ASIP: variants seen among roughly 807,000 people sequenced by gnomAD.
The protein encoded by ASIP is agouti signaling protein.
ASIP carries 11 observed loss-of-function variants against 10.3 expected under a neutral mutation model. The observed-to-expected ratio is 1.07, with a 90% CI of 0.68 to 1.78. The LOEUF (loss-of-function observed/expected upper bound fraction) is 1.78, where lower values mean the gene tolerates loss of function less well. ASIP is among the 40% of genes most tolerant of loss of function. ASIP has a pLI of 0.00. For missense variants in ASIP, 180 were observed against 169.2 expected, an observed-to-expected ratio of 1.06 and a Z score of -0.35; for synonymous variants, 70 against 70.8, an observed-to-expected ratio of 0.99 and a Z score of 0.06.
upstream of ASIP, among the ~76,000 whole-genome samples, chr20:34,240,148 G>A (rs2035265179): frequency 6.6e-6 from 1 of 152,096 alleles, no homozygotes; most frequent in African/African-American, 2.4e-5. Context: ...TTGGAAAGAA[G>A]GGAAAAAAAG....
In ASIP at chr20:34,217,711, A is replaced by G. The variant is rs1002133885; in HGVS notation, c.-11+22951A>G. On this transcript the variant is annotated intron_variant, in intron 1 of 3. Coordinates refer to the ASIP transcript ENST00000568305. ...CGAGTAGCTGGGACTGCAGGCGCCC[A>G]CCACCACGCCCGGCTAATTTTTTTG... 4.6e-5 allele frequency among the ~76,000 whole-genome samples: 7 copies of G among 151,708 alleles called. No homozygotes were observed. The South Asian group carries it at 8.4e-4, about 18-fold the overall frequency.
chr20:34,230,786 C>T (rs1404549697), intron 1 of ASIP, among the ~76,000 whole-genome samples: 1 of 42,956 alleles, frequency 2.3e-5, no homozygotes, highest in Non-Finnish European at 4.0e-5. Context: ...CCCCGCACCT[C>T]CCTCCCGGAC....
chr20:34,258,546 A>C (rs2035613270), intron 1 of ASIP, among the ~76,000 whole-genome samples: 2 of 147,922 alleles, frequency 1.4e-5, no homozygotes, highest in African/African-American at 5.0e-5. Context: ...AAGGACAAGC[A>C]TCATATGGGG....
chr20:34,201,454 A>T (rs143291246), intron 1 of ASIP, among the ~76,000 whole-genome samples: 2 of 152,216 alleles, frequency 1.3e-5, no homozygotes, highest in African/African-American at 4.8e-5. Flanking sequence ...TTTGTGACTT[A>T]TCTCACAGAT....
intron 1 of ASIP, 46 bp from the exon 2 acceptor site, chr20:34,260,319 A>G: frequency 6.4e-7 from 1 of 1,563,510 alleles, no homozygotes; most frequent in South Asian, 1.2e-5. Flanking sequence ...GCCTCTTACC[A>G]TTACCCCTGA....
At chr20:34,255,031 G>T (rs1242233524) in intron 1 of ASIP, among the ~76,000 whole-genome samples, 1 of 152,088 alleles carries the variant, frequency 6.6e-6, no homozygotes, top group Non-Finnish European at 1.5e-5. Flanking sequence ...GATTTGACCT[G>T]GTGAGATCTC....
At chr20:34,191,242 A>G (rs1325155630), upstream of ASIP, among the ~76,000 whole-genome samples, 3 of 152,160 alleles carry the variant, frequency 2.0e-5, no homozygotes, top group Non-Finnish European at 4.4e-5. Flanking sequence ...AGCAAATCCA[A>G]TCTTGGTCCT....
chr20:34,263,459 G>A (rs940451002), intron 3 of ASIP, among the ~76,000 whole-genome samples: 14 of 151,944 alleles, frequency 9.2e-5, no homozygotes, highest in Non-Finnish European at 1.8e-4. Context: ...CAGCTACTTG[G>A]GAGGCTGAGG....
chr20:34,191,307 G>A (rs1015368720), upstream of ASIP, among the ~76,000 whole-genome samples: 3 of 152,172 alleles, frequency 2.0e-5, no homozygotes, highest in Non-Finnish European at 4.4e-5. Flanking sequence ...GAGGGTGCCT[G>A]TCACCCCTGG....
chr20:34,264,090 G>A (rs1476329744), intron 3 of ASIP, among the ~76,000 whole-genome samples: 3 of 152,022 alleles, frequency 2.0e-5, no homozygotes, highest in African/African-American at 7.3e-5. Context: ...TAAAATATAT[G>A]TAGATACTAG....
chr20:34,213,471 G>A, intron 1 of ASIP: 1 of 1,281,218 alleles, frequency 7.8e-7, no homozygotes. Flanking sequence ...AGACAGTTTT[G>A]AAGTGAACAC....
rs187675457 is a variant in ASIP, at chr20:34,207,175, T to A, written c.-11+12415T>A. 2.8e-4 allele frequency among the ~76,000 whole-genome samples: 43 copies of A among 152,352 alleles called. No individual in the cohort carries two copies. In the East Asian group the frequency reaches 7.5e-3, roughly 27 times the overall value. ...TCCTTACCAGCATTTGTTATTTTTT[T>A]AAATTTCTTTTCCTTCTTCCCAAAC... On this transcript the variant is annotated intron_variant, in intron 1 of 3. Coordinates refer to the ASIP transcript ENST00000568305.
upstream of ASIP, among the ~76,000 whole-genome samples, chr20:34,240,361 ACT>A (rs2035268540): frequency 6.6e-6 from 1 of 152,038 alleles, no homozygotes; most frequent in Non-Finnish European, 1.5e-5. Flanking sequence ...TGGTCCCTAG[ACT>A]CTGATTTAGT....
chr20:34,222,662 C>T (rs904931196), intron 1 of ASIP, among the ~76,000 whole-genome samples: 1 of 152,162 alleles, frequency 6.6e-6, no homozygotes, highest in African/African-American at 2.4e-5. Flanking sequence ...CCCTCTCCCT[C>T]TCCCCACGGT....
At chr20:34,214,204 A>T in intron 1 of ASIP, 1 of 1,326,378 alleles carries the variant, frequency 7.5e-7, no homozygotes, top group Non-Finnish European at 1.1e-6. Flanking sequence ...TTATTGAGAG[A>T]TTTGACAAAT....
At chr20:34,214,530 A>G (rs566106162) in intron 1 of ASIP, 1 of 1,505,312 alleles carries the variant, frequency 6.6e-7, no homozygotes, top group East Asian at 2.3e-5. Flanking sequence ...TTGCTACTTC[A>G]ACTTCCATGA....
chr20:34,265,727 A>G (rs769977451), intron 3 of ASIP, among the ~76,000 whole-genome samples: 8 of 152,064 alleles, frequency 5.3e-5, no homozygotes, highest in Non-Finnish European at 8.8e-5. Context: ...AGGAGGGTGG[A>G]TCACCTTAGG....
At chr20:34,186,811 G>T in the ASIP span, among the ~76,000 whole-genome samples, 1 of 152,010 alleles carries the variant, frequency 6.6e-6, no homozygotes, top group Non-Finnish European at 1.5e-5. Flanking sequence ...TTTTTGTTTT[G>T]TTTTGTTTTG....
At chr20:34,194,996 C>T (rs549970920) in intron 1 of ASIP, among the ~76,000 whole-genome samples, 33 of 152,208 alleles carry the variant, frequency 2.2e-4, no homozygotes, top group African/African-American at 7.9e-4. Flanking sequence ...CTGGTACATT[C>T]TGCTAATTGG....
Sources: allele counts gnomAD v4.1 joint callset (sites outside exome capture counted in the v4.1 genomes callset), GRCh38; gene constraint gnomAD v4.1.1; transcripts MANE v1.5; gene names NCBI Gene and HGNC (gene_info 2026-07-23, HGNC 2026-07-21).